ACOXL: variants seen among roughly 807,000 people sequenced by gnomAD.
ACOXL encodes acyl-CoA oxidase like, also known as acyl-coenzyme A oxidase-like protein.
In ACOXL, 70 loss-of-function variants were observed where a neutral mutation model predicts 71.9. The ratio of observed to expected loss-of-function variants is 0.97; its 90% CI spans 0.80 to 1.19. The LOEUF is 1.19. Ranked by LOEUF, ACOXL falls within the 50% of genes most tolerant of loss-of-function variation. ACOXL has a pLI of 0.00. For missense variants in ACOXL, 703 were observed against 736.3 expected, an observed-to-expected ratio of 0.95 and a Z score of 0.52; for synonymous variants, 253 against 281.6, an observed-to-expected ratio of 0.90 and a Z score of 1.02.
In ACOXL at chr2:110,883,922, T is replaced by A. The variant is rs185333088; in HGVS notation, c.789-24867T>A. 4.3e-3 allele frequency among the ~76,000 whole-genome samples: 654 copies of A among 152,236 alleles called. 1 individual carries two copies. The highest frequency in any genetic ancestry group is 7.3e-3 in the Non-Finnish European group (494 of 68,016). ...ACACATATAGTACACACTTAAATAT[T>A]AGGGGAGGTTGGTTAAAGAAAAAGT... On this transcript the variant is annotated intron_variant, in intron 10 of 17. Coordinates refer to ENST00000439055, the MANE Select transcript of ACOXL (RefSeq NM_001142807.4).
chr2:110,935,799 T>C (rs1039197940), intron 12 of ACOXL, among the ~76,000 whole-genome samples: 2 of 151,166 alleles, frequency 1.3e-5, no homozygotes, highest in African/African-American at 4.9e-5. Flanking sequence ...GCCTCCAACC[T>C]GTTTGGCACC....
rs1005109083 is a variant in ACOXL at position 111,080,330 on chromosome 2, T to A, written c.1441-12535T>A. Among the ~76,000 whole-genome samples, 6 of 152,346 alleles carry A rather than the reference T, an allele frequency of 3.9e-5. No individual in the cohort carries two copies. The South Asian group carries it at 1.2e-3, about 32-fold the overall frequency. ...GATGTTAAGGTGTCAATTTTAGATC[T>A]TTCCTGCTTCCTCCTGTGGGCATTT... On this transcript the variant is annotated intron_variant, in intron 16 of 17. Coordinates refer to ENST00000439055, the MANE Select transcript of ACOXL (RefSeq NM_001142807.4).
chr2:111,031,060 G>C (rs970714027), intron 14 of ACOXL, among the ~76,000 whole-genome samples: 2 of 152,214 alleles, frequency 1.3e-5, no homozygotes, highest in Non-Finnish European at 2.9e-5. Flanking sequence ...AGTAGATGCA[G>C]AAAAGCTATT....
At chr2:111,064,098 A>G (rs926739524) in intron 16 of ACOXL, among the ~76,000 whole-genome samples, 1 of 152,218 alleles carries the variant, frequency 6.6e-6, no homozygotes, top group African/African-American at 2.4e-5. Flanking sequence ...TTCAGGATCA[A>G]CACTCAGATA....
chr2:110,739,603 G>A (rs1352081045), intron 1 of ACOXL, among the ~76,000 whole-genome samples: 3 of 152,228 alleles, frequency 2.0e-5, no homozygotes, highest in African/African-American at 7.2e-5. Context: ...TGGCTCCAGT[G>A]TTCCCCATGT....
chr2:110,768,307 T>A (rs1383216292), intron 1 of ACOXL, 61 bp from the exon 2 acceptor site: 2 of 1,413,920 alleles, frequency 1.4e-6, no homozygotes, highest in Non-Finnish European at 2.0e-6. Context: ...GGTCAAAGCA[T>A]CCACAGCCTC....
At chr2:111,031,470 T>A (rs1036742448) in intron 14 of ACOXL, among the ~76,000 whole-genome samples, 157 bp from the exon 15 acceptor site, 4 of 152,178 alleles carry the variant, frequency 2.6e-5, no homozygotes, top group Non-Finnish European at 4.4e-5. Flanking sequence ...TAACAAGCAG[T>A]TTTTGCAGGT....
chr2:110,765,169 A>G (rs1429046442), intron 1 of ACOXL, among the ~76,000 whole-genome samples: 1 of 152,174 alleles, frequency 6.6e-6, no homozygotes, highest in Non-Finnish European at 1.5e-5. Flanking sequence ...GTTTTCCCCT[A>G]TAAGTAACCC....
intron 11 of ACOXL, among the ~76,000 whole-genome samples, chr2:110,912,343 G>C (rs1438286850): frequency 6.6e-6 from 1 of 152,022 alleles, no homozygotes. Flanking sequence ...AAGTTGGAAG[G>C]CTCACATTTC....
At chr2:110,880,120 A>G (rs1696437346) in intron 10 of ACOXL, among the ~76,000 whole-genome samples, 1 of 147,578 alleles carries the variant, frequency 6.8e-6, no homozygotes, top group Admixed American at 6.8e-5. Context: ...ACTGCATTCC[A>G]GCCTGGGCGA....
intron 1 of ACOXL, among the ~76,000 whole-genome samples, chr2:110,765,981 G>A (rs1465218450): frequency 1.3e-5 from 2 of 152,124 alleles, no homozygotes; most frequent in African/African-American, 4.8e-5. Flanking sequence ...AGTTCTATGA[G>A]TTCCATTTTA....
At chr2:110,961,539 A>ATT (rs2061699328) in intron 12 of ACOXL, among the ~76,000 whole-genome samples, 1 of 152,222 alleles carries the variant, frequency 6.6e-6, no homozygotes, top group African/African-American at 2.4e-5. Flanking sequence ...CTCCACCGGA[A>ATT]AAGAGGAGAG....
chr2:110,824,200 C>A (rs1293216179), intron 9 of ACOXL, among the ~76,000 whole-genome samples: 1 of 152,304 alleles, frequency 6.6e-6, no homozygotes, highest in Non-Finnish European at 1.5e-5. Context: ...TTTCTGAATT[C>A]TCTCTTCTGT....
chr2:110,909,157 A>G (rs1481164136), intron 11 of ACOXL, among the ~76,000 whole-genome samples: 4 of 152,236 alleles, frequency 2.6e-5, no homozygotes, highest in African/African-American at 9.6e-5. Flanking sequence ...GATGAATGGA[A>G]GCCACAGAGA....
intron 10 of ACOXL, among the ~76,000 whole-genome samples, chr2:110,884,733 A>G (rs934567170): frequency 6.6e-6 from 1 of 152,136 alleles, no homozygotes; most frequent in African/African-American, 2.4e-5. Context: ...AAAATGCCCA[A>G]TATCTAATTG....
At chr2:111,033,889 C>T (rs1169984859) in intron 15 of ACOXL, among the ~76,000 whole-genome samples, 1 of 152,160 alleles carries the variant, frequency 6.6e-6, no homozygotes. Flanking sequence ...ATATGGACTC[C>T]TGGTGCAAAA....
chr2:111,096,178 C>G lies in ACOXL; in HGVS notation c.1542+3212C>G, dbSNP rs565514279. Among the ~76,000 whole-genome samples the G allele has an allele frequency of 1.2e-3, 179 of 152,056 alleles. 1 individual carries two copies. The highest frequency in any genetic ancestry group is 3.9e-4 in the East Asian group (2 of 5,182). Reference sequence around the variant, plus strand: ...GATGCATCTAACATTCTGGTTACCCCATCCTCCCAGTTTTTAATTCCAATT... The same window carrying G: ...GATGCATCTAACATTCTGGTTACCCGATCCTCCCAGTTTTTAATTCCAATT... On this transcript the variant is annotated intron_variant, in intron 17 of 17. Transcript: ENST00000439055.
chr2:111,035,929 T>A (rs774142902), intron 15 of ACOXL, among the ~76,000 whole-genome samples: 1 of 152,260 alleles, frequency 6.6e-6, no homozygotes, highest in Non-Finnish European at 1.5e-5. Context: ...ACATTCATCC[T>A]CTAGGAAATT....
chr2:110,995,345 C>A (rs4849325), intron 13 of ACOXL, among the ~76,000 whole-genome samples: 53,076 of 149,972 alleles, frequency 0.35, 10,012 homozygotes, highest in African/African-American at 0.47. Flanking sequence ...ACTAAAAATA[C>A]AAAAATTAGC....
Sources: gnomAD v4.1 joint callset for allele counts (sites outside exome capture counted in the v4.1 genomes callset) on GRCh38, gnomAD v4.1.1 for gene constraint, MANE v1.5 for transcripts, NCBI Gene and HGNC (gene_info 2026-07-23, HGNC 2026-07-21) for gene names.